The following DHX40 variants were observed in gnomAD, a reference collection of about 807,000 sequenced individuals.
DHX40 encodes the protein probable ATP-dependent RNA helicase DHX40.
Under a neutral mutation model 89.6 loss-of-function variants are expected in DHX40, and 28 were observed. That is an observed-to-expected ratio of 0.31 (90% CI 0.23 to 0.43). The LOEUF (loss-of-function observed/expected upper bound fraction) is 0.43, where lower values mean the gene tolerates loss of function less well. DHX40 is among the 20% of genes least tolerant of loss of function. DHX40 has a pLI of 1.00. For missense variants in DHX40, 457 were observed against 844.0 expected, an observed-to-expected ratio of 0.54 and a Z score of 5.68; for synonymous variants, 226 against 283.6, an observed-to-expected ratio of 0.80 and a Z score of 2.04.
intron 17 of DHX40, 75 bp from the exon 18 acceptor site, chr17:59,606,958 C>A: frequency 7.4e-7 from 1 of 1,344,996 alleles, no homozygotes; most frequent in Non-Finnish European, 1.0e-6. Flanking sequence ...AAAATCAGGG[C>A]TTCTCTTTCT....
intron 15 of DHX40, chr17:59,604,612 A>G (rs1402943044): frequency 1.3e-5 from 2 of 154,142 alleles, no homozygotes; most frequent in African/African-American, 2.4e-5. Context: ...AATGTAGAAG[A>G]AAATAAGGGC....
chr17:59,586,070 T>C lies in DHX40; in HGVS notation c.1344-83T>C, dbSNP rs1405904253. The C allele has an allele frequency of 8.5e-5, 81 of 950,286 alleles. 1 individual carries two copies. The highest frequency in any genetic ancestry group is 1.2e-4 in the Non-Finnish European group (77 of 634,270). The allele number at this position is 950,286 out of a possible 1,614,324, so 58.9% of individuals were successfully genotyped here. On this transcript the variant is annotated intron_variant, in intron 10 of 17. Transcript: ENST00000251241. ...CTTGAAAAATAGAAATAAAACCTTT[T>C]AAAGAAATTTTCGTCATGTCTATAT...
rs2030923776 is a variant in DHX40, at chr17:59,607,229, C to T, written c.*57C>T. On this transcript the variant is annotated 3_prime_UTR_variant, in exon 18 of 18. Coordinates refer to ENST00000251241, the MANE Select transcript of DHX40 (RefSeq NM_024612.5). ...AAAGGAGCCAGGAAATGTGCTTCTA[C>T]TTTGCCAGTTATTTCAGACAGCACT... The T allele has an allele frequency of 6.8e-6, 11 of 1,614,132 alleles. No homozygotes were observed. The highest frequency in any genetic ancestry group is 8.5e-6 in the Non-Finnish European group (10 of 1,180,030).
Position 59,566,683 on chromosome 17 carries a change from A to C in DHX40, c.169A>C (p.Lys57Gln), listed in dbSNP as rs1393080749. The C allele has an allele frequency of 6.2e-7, 1 of 1,606,576 alleles. No homozygotes were observed. Among genetic ancestry groups the C allele is most frequent in the Non-Finnish European group, 8.5e-7 (1 of 1,178,176 alleles). The part of the protein sequence containing the change: ...GGTTPTFPIQ[K>Q]QRKKIIQAVR... ...AACTACTCCAACTTTTCCTATTCAG[A>C]AACAAAGAAAAAAGATTATTCAAGC... Residue 57 changes from lysine to glutamine, a missense_variant, in exon 2 of 18, where the codon AAA becomes CAA. Around this residue, in one of 9 missense-constraint regions of DHX40, gnomAD observed 75 missense variants for 76.8 expected, o/e 0.98. Transcript: ENST00000251241.
At chr17:59,599,711 G>GAT (rs958294289) in intron 14 of DHX40, 1 of 248,656 alleles carries the variant, frequency 4.0e-6, no homozygotes, top group African/African-American at 2.4e-5. Flanking sequence ...ATTGACGTGT[G>GAT]ATAACCTACA....
At chr17:59,601,095 G>A (rs917076576) in intron 14 of DHX40, among the ~76,000 whole-genome samples, 10 of 149,362 alleles carry the variant, frequency 6.7e-5, no homozygotes, top group African/African-American at 2.5e-4. Flanking sequence ...CTTGAGCCCA[G>A]CAAGTTTGAG....
intron 11 of DHX40, among the ~76,000 whole-genome samples, chr17:59,586,848 G>T (rs554122514): frequency 1.3e-5 from 2 of 152,050 alleles, no homozygotes; most frequent in Non-Finnish European, 2.9e-5. Context: ...GGTTAGGTTT[G>T]ATATTAATAA....
In DHX40 at chr17:59,566,865, C is replaced by G. The variant is rs181481037; in HGVS notation, c.280+71C>G. ...CTCTTTTTAAAGGCCAGTAGGACTT[C>G]TGTACTCCATGATTGCCCAGTATTT... On this transcript the variant is annotated intron_variant, in intron 2 of 17. Transcript: ENST00000251241. 1.8e-4 allele frequency: 238 copies of G among 1,344,344 alleles called. 2 individuals carry two copies. The African/African-American group carries it at 3.1e-3, about 18-fold the overall frequency. The allele number at this position is 1,344,344 out of a possible 1,614,324, so 83.3% of individuals were successfully genotyped here. A position where few individuals can be genotyped will look rare whatever the true frequency, so the allele number is the denominator to read the frequency against.
intron 12 of DHX40, among the ~76,000 whole-genome samples, chr17:59,588,711 T>TC (rs1350374247): frequency 6.6e-6 from 1 of 152,172 alleles, no homozygotes; most frequent in East Asian, 1.9e-4. Flanking sequence ...AAATATTTTC[T>TC]CCCAGTCTGT....
rs1455694829 is a variant in DHX40 at position 59,568,102 on chromosome 17, C to T, written c.280+1308C>T. 7.2e-5 allele frequency among the ~76,000 whole-genome samples: 11 copies of T among 152,156 alleles called. No individual in the cohort carries two copies. The East Asian group carries it at 1.7e-3, about 24-fold the overall frequency. Reference sequence around the variant, plus strand: ...CAAAAATTAGGCGTGGTGGCGGGCGCCTATAATCCCAGCTACTTGGGAGGC... The same window carrying T: ...CAAAAATTAGGCGTGGTGGCGGGCGTCTATAATCCCAGCTACTTGGGAGGC... On this transcript the variant is annotated intron_variant, in intron 2 of 17. Coordinates refer to ENST00000251241, the MANE Select transcript of DHX40 (RefSeq NM_024612.5).
At position 59,566,669 on chromosome 17, in the gene DHX40, C is replaced by G. The variant is rs1054542096; in HGVS notation, c.155C>G (p.Thr52Ser). The G allele has an allele frequency of 6.2e-6, 10 of 1,603,662 alleles. No homozygotes were observed. The East Asian group carries it at 2.2e-4, about 36-fold the overall frequency. The change falls in exon 2 of 18, where the codon ACT becomes AGT. Residue 52 changes from threonine (T) to serine (S), a missense_variant. Around this residue, in one of 9 missense-constraint regions of DHX40, gnomAD observed 75 missense variants for 76.8 expected, o/e 0.98. Transcript: ENST00000251241. ...TCCCAGGAGGGAGGAACTACTCCAA[C>G]TTTTCCTATTCAGAAACAAAGAAAA... Reference protein sequence around the residue: ...CTSQEGGTTPTFPIQKQRKKI... With the variant: ...CTSQEGGTTPSFPIQKQRKKI...
intron 7 of DHX40, chr17:59,577,058 A>G (rs1195426667): frequency 1.7e-6 from 1 of 580,734 alleles, no homozygotes; most frequent in Non-Finnish European, 3.2e-6. Context: ...TTTCTTAGAG[A>G]CAGGGTCTCA....
chr17:59,607,008 T>C (rs368933994), intron 17 of DHX40, 25 bp from the exon 18 acceptor site: 14 of 1,595,614 alleles, frequency 8.8e-6, no homozygotes, highest in Non-Finnish European at 1.2e-5. Context: ...CTAAGTTTTA[T>C]TGGATTAATT....
intron 12 of DHX40, among the ~76,000 whole-genome samples, chr17:59,588,984 T>G (rs2049040798): frequency 6.6e-6 from 1 of 152,138 alleles, no homozygotes; most frequent in Non-Finnish European, 1.5e-5. Flanking sequence ...AAATATCAGC[T>G]GACTATTCTT....
chr17:59,606,894 T>C (rs1027964183), intron 17 of DHX40, 139 bp from the exon 18 acceptor site: 3 of 868,246 alleles, frequency 3.5e-6, no homozygotes, highest in East Asian at 5.3e-5. Flanking sequence ...ACATTGCTTT[T>C]GAAAGGGCAA....
Position 59,568,906 on chromosome 17 carries a change from C to T in DHX40, c.281-1612C>T, listed in dbSNP as rs190745869. ...TTTTTGAGATGAGATCTTACTATGTCGCCCAGGCTGATCTCAAACTCCTGA... is the reference window on the plus strand; with the variant it reads ...TTTTTGAGATGAGATCTTACTATGTTGCCCAGGCTGATCTCAAACTCCTGA... On this transcript the variant is annotated intron_variant, in intron 2 of 17. Transcript: ENST00000251241. Among the ~76,000 whole-genome samples, 37 of 151,740 alleles carry T rather than the reference C, an allele frequency of 2.4e-4. No individual in the cohort carries two copies. In the East Asian group the frequency reaches 5.2e-3, roughly 21 times the overall value.
At chr17:59,586,440 A>G (rs2048998226) in intron 11 of DHX40, among the ~76,000 whole-genome samples, 1 of 151,952 alleles carries the variant, frequency 6.6e-6, no homozygotes, top group African/African-American at 2.4e-5. Context: ...AGGTCGGTGG[A>G]TCATGAGGTC....
At chr17:59,566,820 G>T in intron 2 of DHX40, 26 bp downstream of exon 2, 1 of 1,542,704 alleles carries the variant, frequency 6.5e-7, no homozygotes, top group South Asian at 1.3e-5. Context: ...TGTAATAATT[G>T]GAAATATTTT....
chr17:59,602,457 C>A, intron 14 of DHX40, 65 bp from the exon 15 acceptor site: 3 of 1,400,002 alleles, frequency 2.1e-6, no homozygotes, highest in Non-Finnish European at 2.9e-6. Context: ...GTGGATTTTT[C>A]AAAATAAAAG....
Sources: allele counts gnomAD v4.1 joint callset (sites outside exome capture counted in the v4.1 genomes callset), GRCh38; gene constraint gnomAD v4.1.1; regional missense constraint gnomAD v4.1.1; transcripts MANE v1.5; gene names NCBI Gene and HGNC (gene_info 2026-07-23, HGNC 2026-07-21).